The following PPFIA4 variants were observed in gnomAD, a reference collection of about 807,000 sequenced individuals.
The protein encoded by PPFIA4 is liprin-alpha-4.
In PPFIA4, 98 loss-of-function variants were observed where a neutral mutation model predicts 145.7. The ratio of observed to expected loss-of-function variants is 0.67; its 90% CI spans 0.57 to 0.80. The LOEUF (loss-of-function observed/expected upper bound fraction) is 0.80. PPFIA4 is among the 30% of genes least tolerant of loss of function. PPFIA4 has a pLI of 0.00. For synonymous variants in PPFIA4, 628 were observed against 649.6 expected, an observed-to-expected ratio of 0.97 and a Z score of 0.51; for missense variants, 1,457 against 1,632.7, an observed-to-expected ratio of 0.89 and a Z score of 1.85.
intron 12 of PPFIA4, 46 bp downstream of exon 12, chr1:203,049,026 G>T (rs531957748): frequency 2.2e-5 from 34 of 1,538,604 alleles, no homozygotes; most frequent in Middle Eastern, 2.0e-4. Context: ...GGGCCGGGTT[G>T]CAGGGAGGAA....
intron 29 of PPFIA4, chr1:203,076,070 G>T: frequency 1.7e-6 from 1 of 587,966 alleles, no homozygotes; most frequent in Non-Finnish European, 3.0e-6. Context: ...AGTGCCCGTG[G>T]CTCGGGGTAA....
At chr1:203,073,096 T>C (rs1217139453) in intron 28 of PPFIA4, among the ~76,000 whole-genome samples, 1 of 152,204 alleles carries the variant, frequency 6.6e-6, no homozygotes, top group Non-Finnish European at 1.5e-5. Context: ...AAAAATATTC[T>C]TTGAATGCCT....
Position 203,067,470 on chromosome 1 carries a change from C to G in PPFIA4, c.3051-225C>G. The G allele has an allele frequency of 6.0e-6, 3 of 497,638 alleles. No individual in the cohort carries two copies. The South Asian group carries it at 9.4e-5, about 16-fold the overall frequency. 30.8% of individuals were successfully genotyped at this position (497,638 alleles called of 1,614,324 possible). A position where few individuals can be genotyped will look rare whatever the true frequency, so the allele number is the denominator to read the frequency against. ...TTTCCCATCAATCCATCCCCAGGCC[C>G]GCTCCCTGACTGAGAGGGAGGATAT... is the stretch of plus-strand genomic sequence containing the variant. On this transcript the variant is annotated intron_variant, in intron 25 of 29. Coordinates refer to ENST00000295706, the MANE Select transcript of PPFIA4 (RefSeq NM_001304331.2).
Position 203,043,286 on chromosome 1 carries a change from G to A in PPFIA4, c.235-111G>A, listed in dbSNP as rs1014356627. ...GTGGATGGATTGGGATTTTGTGGGG[G>A]AGGTGGTGGAAGTAAGGGATGGGTG... On this transcript the variant is annotated intron_variant, in intron 2 of 29. Transcript: ENST00000295706. This position sits in a 1 kb window ranked among gnomAD's most constrained non-coding sequence, Gnocchi z 4.4. 2.3e-6 allele frequency: 2 copies of A among 868,722 alleles called. No individual in the cohort carries two copies. Among genetic ancestry groups the A allele is most frequent in the African/African-American group, 1.7e-5 (1 of 59,688 alleles). 53.8% of individuals were successfully genotyped at this position (868,722 alleles called of 1,614,324 possible).
chr1:203,056,666 TC>T, intron 18 of PPFIA4, 117 bp from the exon 19 acceptor site: 1 of 1,292,732 alleles, frequency 7.7e-7, no homozygotes, highest in Non-Finnish European at 1.1e-6. Flanking sequence ...TGTCTCCTTT[TC>T]CCCCATCCCA....
intron 25 of PPFIA4, among the ~76,000 whole-genome samples, chr1:203,064,220 A>G (rs1465729319): frequency 1.3e-5 from 2 of 152,194 alleles, no homozygotes; most frequent in African/African-American, 2.4e-5. Context: ...TGTCCTTATA[A>G]TGACTAGGTC....
At chr1:203,030,153 A>T (rs1199894223) in intron 1 of PPFIA4, among the ~76,000 whole-genome samples, 1 of 152,178 alleles carries the variant, frequency 6.6e-6, no homozygotes, top group Non-Finnish European at 1.5e-5. Flanking sequence ...CTCATTTGAT[A>T]GTGAGCTGCT....
rs1452324002 is a variant in PPFIA4, at chr1:203,051,883, G to C, written c.1620+6G>C. The C allele has an allele frequency of 2.5e-6, 4 of 1,612,548 alleles. No homozygotes were observed. The highest frequency in any genetic ancestry group is 1.7e-5 in the Admixed American group (1 of 59,838). The stretch of plus-strand genomic sequence containing the variant: ...TGAGGGAAGAGTCTGCCAAGGTGAG[G>C]GGGTGGAGGGATCTCCTCAGGGAGT... On this transcript the variant is annotated splice_donor_region_variant and intron_variant, in intron 14 of 29. Transcript: ENST00000295706.
rs1055773800 is a variant in PPFIA4, at chr1:203,028,666, T to A, written c.-400+2037T>A. On this transcript the variant is annotated intron_variant, in intron 1 of 29. Transcript: ENST00000295706. ...GTGTGTGTGTGTGTGCACACGCGTG[T>A]GTGAGTGTGTGTGCTTGTGCATGTG... is the stretch of plus-strand genomic sequence containing the variant. Among the ~76,000 whole-genome samples, 12 of 151,880 alleles carry A rather than the reference T, an allele frequency of 7.9e-5. No homozygotes were observed. The South Asian group carries it at 1.7e-3, about 21-fold the overall frequency.
At chr1:203,073,086 A>C (rs1662282743) in intron 28 of PPFIA4, among the ~76,000 whole-genome samples, 1 of 152,174 alleles carries the variant, frequency 6.6e-6, no homozygotes, top group Non-Finnish European at 1.5e-5. Flanking sequence ...CAATCCTTAC[A>C]AAAATATTCT....
chr1:203,033,745 G>A (rs1490407446), intron 1 of PPFIA4, among the ~76,000 whole-genome samples: 1 of 152,156 alleles, frequency 6.6e-6, no homozygotes, highest in African/African-American at 2.4e-5. Flanking sequence ...TTGGGAGGCC[G>A]AGGTGGGCAG....
In PPFIA4 at chr1:203,075,754, G is replaced by A; in HGVS notation, c.3571G>A (p.Glu1191Lys). ...PPAPPKKIMP[E>K]AHSHYLYGHM... ...GGCCCCGCCAAAGAAGATCATGCCTGAAGGTGAGTAACAGGCGGGCTGGGC... is the reference window on the plus strand; with the variant it reads ...GGCCCCGCCAAAGAAGATCATGCCTAAAGGTGAGTAACAGGCGGGCTGGGC... The change falls in exon 29 of 30, where the codon GAA becomes AAA. Residue 1191 changes from glutamate to lysine, a missense_variant. Glu to Lys is a moderately conservative substitution (Grantham distance 56). Around this residue, in one of 3 missense-constraint regions of PPFIA4, gnomAD observed 146 missense variants for 126.2 expected, o/e 1.16. Coordinates refer to ENST00000295706, the MANE Select transcript of PPFIA4 (RefSeq NM_001304331.2). This position sits in a 1 kb window ranked among gnomAD's most constrained non-coding sequence, Gnocchi z 4.1. 1.5e-6 allele frequency: 2 copies of A among 1,368,664 alleles called. No homozygotes were observed. Among genetic ancestry groups the A allele is most frequent in the South Asian group, 3.6e-5 (2 of 55,288 alleles). 84.8% of individuals were successfully genotyped at this position (1,368,664 alleles called of 1,614,324 possible).
In PPFIA4 at chr1:203,075,688, G is replaced by A; in HGVS notation, c.3505G>A (p.Gly1169Ser). ...LSASAETLPAGFRVSTLGTLQ... is the reference protein window; with the variant it reads ...LSASAETLPASFRVSTLGTLQ... ...CGCTTCCGCGGAGACCCTCCCGGCG[G>A]GCTTCCGTGTGTCCACCCTGGGGAC... The change falls in exon 29 of 30, where the codon GGC (glycine) becomes AGC (serine). Residue 1169 changes from glycine to serine, a missense_variant. This residue lies in a region of PPFIA4 where 146 missense variants were observed against 126.2 expected (regional missense o/e 1.16). Coordinates refer to ENST00000295706, the MANE Select transcript of PPFIA4 (RefSeq NM_001304331.2). The surrounding 1 kb of genome is among the most constrained non-coding windows in gnomAD (Gnocchi z 4.1). 6.7e-7 allele frequency: 1 copy of A among 1,490,580 alleles called. No individual in the cohort carries two copies. Among genetic ancestry groups the A allele is most frequent in the South Asian group, 1.3e-5 (1 of 76,356 alleles). The allele number at this position is 1,490,580 out of a possible 1,614,324, so 92.3% of individuals were successfully genotyped here. A position where few individuals can be genotyped will look rare whatever the true frequency, so the allele number is the denominator to read the frequency against.
intron 7 of PPFIA4, 103 bp from the exon 8 acceptor site, chr1:203,045,737 GC>G (rs2102635914): frequency 6.5e-7 from 1 of 1,546,202 alleles, no homozygotes; most frequent in East Asian, 2.3e-5. Context: ...TGTAGCTCAT[GC>G]CCCTTAATGG....
rs1442183997 is a variant in PPFIA4, at chr1:203,043,378, G to A, written c.235-19G>A. The A allele has an allele frequency of 6.3e-7, 1 of 1,596,920 alleles. No individual in the cohort carries two copies. On this transcript the variant is annotated intron_variant, in intron 2 of 29. Transcript: ENST00000295706. This position sits in a 1 kb window ranked among gnomAD's most constrained non-coding sequence, Gnocchi z 4.4. ...TGGGGGTGAATCCTGAAGCACTGAGGGGCCTTGGGGGTTTTCAGGAATTTG... is the reference window on the plus strand; with the variant it reads ...TGGGGGTGAATCCTGAAGCACTGAGAGGCCTTGGGGGTTTTCAGGAATTTG...
At chr1:203,032,041 C>CGTGTGTGTGTGTGT (rs66626205) in intron 1 of PPFIA4, among the ~76,000 whole-genome samples, 9,778 of 146,306 alleles carry the variant, frequency 0.067, 378 homozygotes, top group Admixed American at 0.12. Context: ...TCTGAGAGAA[C>CGTGTGTGTGTGTGT]GTGTGTGTGT....
In PPFIA4 at chr1:203,048,722, G is replaced by C; in HGVS notation, c.1356+8G>C. The C allele has an allele frequency of 6.2e-7, 1 of 1,610,526 alleles. No homozygotes were observed. Among genetic ancestry groups the C allele is most frequent in the South Asian group, 1.1e-5 (1 of 90,646 alleles). ...GCTGCCCTGGAGGAGAAGGTGCCCA[G>C]AGGGGCGGGGTTGGGATGCGAGAGG... On this transcript the variant is annotated splice_region_variant and intron_variant, in intron 11 of 29. Coordinates refer to ENST00000295706, the MANE Select transcript of PPFIA4 (RefSeq NM_001304331.2). This position sits in a 1 kb window ranked among gnomAD's most constrained non-coding sequence, Gnocchi z 5.8.
Position 203,044,848 on chromosome 1 carries a change from C to T in PPFIA4, c.666+63C>T, listed in dbSNP as rs559767294. 168 of 1,383,202 alleles carry T rather than the reference C, an allele frequency of 1.2e-4. 1 individual carries two copies. In the African/African-American group the frequency reaches 1.9e-3, roughly 16 times the overall value. 85.7% of individuals were successfully genotyped at this position (1,383,202 alleles called of 1,614,324 possible). On this transcript the variant is annotated intron_variant, in intron 6 of 29. Coordinates refer to ENST00000295706, the MANE Select transcript of PPFIA4 (RefSeq NM_001304331.2). ...TCCCCAAGGTGGGAGGTTGGAGGCC[C>T]GGCTCTGCCTTAGTTCAGTAGACTA...
In PPFIA4 at chr1:203,068,684, C is replaced by T. The variant is rs1211141828; in HGVS notation, c.3324+56C>T. 7.1e-7 allele frequency: 1 copy of T among 1,400,788 alleles called. No individual in the cohort carries two copies. Among genetic ancestry groups the T allele is most frequent in the South Asian group, 1.7e-5 (1 of 59,678 alleles). 86.8% of individuals were successfully genotyped at this position (1,400,788 alleles called of 1,614,324 possible). On this transcript the variant is annotated intron_variant, in intron 27 of 29. Coordinates refer to ENST00000295706, the MANE Select transcript of PPFIA4 (RefSeq NM_001304331.2). The surrounding 1 kb of genome is among the most constrained non-coding windows in gnomAD (Gnocchi z 4.7). ...TCTCTCCCTGTATCCCTCACTTGCT[C>T]TCTTTCTTTCCCTCATACACAAAGG... is the stretch of plus-strand genomic sequence containing the variant.
Sources: gnomAD v4.1 joint callset for allele counts (sites outside exome capture counted in the v4.1 genomes callset) on GRCh38, gnomAD v4.1.1 for gene constraint, gnomAD v4.1.1 regional missense constraint, Gnocchi (gnomAD v3.1) non-coding constraint, MANE v1.5 for transcripts, NCBI Gene and HGNC (gene_info 2026-07-23, HGNC 2026-07-21) for gene names.